The following DFFA variants were observed in gnomAD, a reference collection of about 807,000 sequenced individuals.
DFFA encodes DFF45.
Under a neutral mutation model 28.0 loss-of-function variants are expected in DFFA, and 14 were observed. That is an observed-to-expected ratio of 0.50 (90% CI 0.33 to 0.78). The LOEUF (loss-of-function observed/expected upper bound fraction) is 0.78. Among genes scored for constraint, DFFA ranks in the 30% least tolerant of loss-of-function variants. The probability of loss-of-function intolerance (pLI) is 0.02; values close to 1 mark genes in which losing one functional copy is unlikely to be tolerated. For missense variants in DFFA, 395 were observed against 407.1 expected, an observed-to-expected ratio of 0.97 and a Z score of 0.26; for synonymous variants, 158 against 170.3, an observed-to-expected ratio of 0.93 and a Z score of 0.56.
Position 10,461,059 on chromosome 1 carries a change from C to G in DFFA, c.*431G>C, listed in dbSNP as rs937416023. On this transcript the variant is annotated 3_prime_UTR_variant, in exon 6 of 6. Coordinates refer to ENST00000377038, the MANE Select transcript of DFFA (RefSeq NM_004401.3). ...AAGTAGCTGGGATTACAGGCGCCCG[C>G]CACCATGGCTGGCTAATTTTTTTTG... 3 of 157,788 alleles carry G rather than the reference C, an allele frequency of 1.9e-5. No homozygotes were observed. Among genetic ancestry groups the G allele is most frequent in the African/African-American group, 7.2e-5 (3 of 41,462 alleles). 9.8% of individuals were successfully genotyped at this position (157,788 alleles called of 1,614,324 possible). A position where few individuals can be genotyped will look rare whatever the true frequency, so the allele number is the denominator to read the frequency against.
intron 5 of DFFA, 104 bp from the exon 6 acceptor site, chr1:10,461,806 T>G: frequency 6.6e-7 from 1 of 1,519,774 alleles, no homozygotes; most frequent in South Asian, 1.3e-5. Context: ...TATCCGTTTA[T>G]GTTACCTCTT....
intron 2 of DFFA, among the ~76,000 whole-genome samples, chr1:10,468,778 G>A (rs1025725977): frequency 4.7e-5 from 7 of 148,908 alleles, no homozygotes; most frequent in South Asian, 2.1e-4. Context: ...TCGTTCTGTC[G>A]CCCAGGCTGG....
intron 3 of DFFA, among the ~76,000 whole-genome samples, chr1:10,466,622 C>A (rs1371068328): frequency 6.6e-6 from 1 of 151,936 alleles, no homozygotes; most frequent in Non-Finnish European, 1.5e-5. Flanking sequence ...CTGACCCCAG[C>A]GTCCACCTAA....
At chr1:10,462,689 T>G in intron 5 of DFFA, 2 of 1,047,382 alleles carry the variant, frequency 1.9e-6, no homozygotes, top group Non-Finnish European at 2.3e-6. Flanking sequence ...CCCCTCAAGT[T>G]TGCCTTTTCC....
At chr1:10,468,769 C>T (rs556089553) in intron 2 of DFFA, among the ~76,000 whole-genome samples, 31 of 150,482 alleles carry the variant, frequency 2.1e-4, no homozygotes, top group Non-Finnish European at 3.8e-4. Flanking sequence ...GACAGAGTCT[C>T]GTTCTGTCGC....
At chr1:10,461,914 ACACT>A (rs1640948048) in intron 5 of DFFA, 1 of 953,034 alleles carries the variant, frequency 1.0e-6, no homozygotes, top group Non-Finnish European at 1.2e-6. Flanking sequence ...GAGTGCAGTG[ACACT>A]ATCTCGGCTC....
chr1:10,471,492 A>G (rs1403119476), intron 1 of DFFA, among the ~76,000 whole-genome samples: 1 of 152,184 alleles, frequency 6.6e-6, no homozygotes, highest in African/African-American at 2.4e-5. Flanking sequence ...TTACCAAAGC[A>G]TTTATAATGC....
At chr1:10,469,775 T>C (rs966404710) in intron 1 of DFFA, among the ~76,000 whole-genome samples, 3 of 152,030 alleles carry the variant, frequency 2.0e-5, no homozygotes, top group Admixed American at 2.0e-4. Flanking sequence ...CGCCTTGGCC[T>C]CCCAAAGTGC....
rs1385526871 is a variant in DFFA at position 10,461,779 on chromosome 1, G to T, written c.784-77C>A. On this transcript the variant is annotated intron_variant, in intron 5 of 5. Coordinates refer to ENST00000377038, the MANE Select transcript of DFFA (RefSeq NM_004401.3). ...TGCTGCTCTCCTGACTCTCTTTTGG[G>T]GAGTGCAATGAGGCAGTATCCGTTT... The T allele has an allele frequency of 4.4e-6, 7 of 1,574,782 alleles. No homozygotes were observed. The East Asian group carries it at 1.6e-4, about 35-fold the overall frequency.
chr1:10,469,960 C>T (rs1274269763), intron 1 of DFFA, among the ~76,000 whole-genome samples: 1 of 151,558 alleles, frequency 6.6e-6, no homozygotes, highest in Non-Finnish European at 1.5e-5. Flanking sequence ...GGACTACAGG[C>T]ACCGGCCACC....
chr1:10,467,119 A>C (rs1338586323), intron 3 of DFFA, 71 bp downstream of exon 3: 25 of 1,566,732 alleles, frequency 1.6e-5, no homozygotes, highest in East Asian at 6.8e-5. Flanking sequence ...CAAGTATGGA[A>C]GCTAAGAAGG....
chr1:10,460,702 TG>T lies in DFFA; in HGVS notation c.*787del, dbSNP rs1640917394. On this transcript the variant is annotated 3_prime_UTR_variant, in exon 6 of 6. Transcript: ENST00000377038. Reference sequence around the variant, plus strand: ...CTGCCACCACGCCCAGCTAGTTTTTTGTACTTTTAGTAAAAACACGTTTCAC... The same window carrying T: ...CTGCCACCACGCCCAGCTAGTTTTTTTACTTTTAGTAAAAACACGTTTCAC... 6.6e-6 allele frequency: 1 copy of T among 151,458 alleles called. No individual in the cohort carries two copies. The highest frequency in any genetic ancestry group is 2.4e-5 in the African/African-American group (1 of 41,182). The allele number at this position is 151,458 out of a possible 1,614,324, so 9.4% of individuals were successfully genotyped here.
chr1:10,472,374 G>C lies in DFFA; in HGVS notation c.85C>G (p.Arg29Gly), dbSNP rs200725571. ...KPCLLRRNYS[R>G]EQHGVAASCL... ...GAGGCGGCCACGCCGTGCTGTTCGCGGCTGTAGTTGCGGCGCAGCAGACAC... is the reference window on the plus strand; with the variant it reads ...GAGGCGGCCACGCCGTGCTGTTCGCCGCTGTAGTTGCGGCGCAGCAGACAC... The change falls in exon 1 of 6, where the codon CGC becomes GGC. Residue 29 changes from arginine (R) to glycine (G), a missense_variant. Coordinates refer to ENST00000377038, the MANE Select transcript of DFFA (RefSeq NM_004401.3). The surrounding 1 kb of genome is among the most constrained non-coding windows in gnomAD (Gnocchi z 5.0). The C allele has an allele frequency of 9.2e-5, 148 of 1,612,200 alleles. No homozygotes were observed. The highest frequency in any genetic ancestry group is 1.2e-4 in the Non-Finnish European group (144 of 1,179,060).
At position 10,463,053 on chromosome 1, in the gene DFFA, C is replaced by T; in HGVS notation, c.783+5G>A. The T allele has an allele frequency of 6.2e-7, 1 of 1,614,122 alleles. No homozygotes were observed. Among genetic ancestry groups the T allele is most frequent in the Non-Finnish European group, 8.5e-7 (1 of 1,179,980 alleles). On this transcript the variant is annotated splice_donor_5th_base_variant and intron_variant, in intron 5 of 5. Coordinates refer to ENST00000377038, the MANE Select transcript of DFFA (RefSeq NM_004401.3). ...TGTAGCTCAGTGACCCTGGTTTCCG[C>T]CCACCTCCAAATCCTGACTAGATAA...
chr1:10,463,622 TAACA>T lies in DFFA; in HGVS notation c.442-6_442-3del, dbSNP rs968024334. On this transcript the variant is annotated splice_polypyrimidine_tract_variant and splice_region_variant and intron_variant, in intron 3 of 5. Transcript: ENST00000377038. Reference sequence around the variant, plus strand: ...TGAGCAGGGAGCGTCAACAAGCATCTAACAAACAAACACAGACGCTTAGAAATCT... The same window carrying T: ...TGAGCAGGGAGCGTCAACAAGCATCTAACAAACACAGACGCTTAGAAATCT... The T allele has an allele frequency of 4.4e-6, 7 of 1,606,810 alleles. No homozygotes were observed. Among genetic ancestry groups the T allele is most frequent in the South Asian group, 1.1e-5 (1 of 89,866 alleles).
intron 1 of DFFA, among the ~76,000 whole-genome samples, chr1:10,470,210 G>A (rs1333743117): frequency 1.3e-5 from 2 of 152,122 alleles, no homozygotes; most frequent in Non-Finnish European, 2.9e-5. Flanking sequence ...CCAAGGCTCA[G>A]AGAGGTTAAG....
intron 1 of DFFA, among the ~76,000 whole-genome samples, chr1:10,469,582 G>A (rs757038652): frequency 3.3e-5 from 5 of 151,938 alleles, no homozygotes; most frequent in South Asian, 2.1e-4. Flanking sequence ...GTGCACTGGC[G>A]CGATCTCGGC....
intron 3 of DFFA, among the ~76,000 whole-genome samples, chr1:10,464,049 C>G (rs1437595418): frequency 6.6e-6 from 1 of 151,950 alleles, no homozygotes; most frequent in Non-Finnish European, 1.5e-5. Flanking sequence ...AAGTTACCTA[C>G]TATGATAGTT....
At chr1:10,466,882 G>A (rs1353961837) in intron 3 of DFFA, among the ~76,000 whole-genome samples, 1 of 149,842 alleles carries the variant, frequency 6.7e-6, no homozygotes, top group African/African-American at 2.5e-5. Context: ...GAACCCGGGA[G>A]GTGGAGACTG....
Sources: allele counts gnomAD v4.1 joint callset (sites outside exome capture counted in the v4.1 genomes callset), GRCh38; gene constraint gnomAD v4.1.1; non-coding constraint Gnocchi (gnomAD v3.1); transcripts MANE v1.5; gene names NCBI Gene and HGNC (gene_info 2026-07-23, HGNC 2026-07-21).